CECR2: variants seen among roughly 807,000 people sequenced by gnomAD.
CECR2 encodes chromatin remodeling regulator CECR2.
Under a neutral mutation model 154.5 loss-of-function variants are expected in CECR2, and 30 were observed. That is an observed-to-expected ratio of 0.19 (90% CI 0.15 to 0.26). The LOEUF (loss-of-function observed/expected upper bound fraction) is 0.26. Among genes scored for constraint, CECR2 ranks in the 10% least tolerant of loss-of-function variants. CECR2 has a pLI of 1.00. For synonymous variants in CECR2, 725 were observed against 683.7 expected (o/e 1.06, Z -0.94); for missense variants, 1,743 against 1,829.3 (o/e 0.95, Z 0.86).
At position 17,404,892 on chromosome 22, in the gene CECR2, T is replaced by C. The variant is rs74276436; in HGVS notation, c.126+34983T>C. On this transcript the variant is annotated intron_variant, in intron 1 of 18. Transcript: ENST00000262608. ...TTCTACAAAAAAAGCCTGCTAGCAT[T>C]TAGATTGGAGTTGTATTGAATATCT... Among the ~76,000 whole-genome samples, 1,370 of 152,274 alleles carry C rather than the reference T, an allele frequency of 9.0e-3. 62 individuals carry two copies. In the East Asian group the frequency reaches 0.15, roughly 16 times the overall value.
chr22:17,511,478 G>A (rs1320102341), intron 7 of CECR2, among the ~76,000 whole-genome samples: 3 of 151,768 alleles, frequency 2.0e-5, no homozygotes, highest in Admixed American at 2.0e-4. Context: ...TCAGCTGAAG[G>A]TGATAAAGCA....
At chr22:17,521,718 G>A (rs2056161983) in intron 8 of CECR2, among the ~76,000 whole-genome samples, 1 of 152,090 alleles carries the variant, frequency 6.6e-6, no homozygotes, top group South Asian at 2.1e-4. Flanking sequence ...TCACTCTGAT[G>A]GTAGTTTCTT....
chr22:17,436,250 A>G (rs1489747042), intron 1 of CECR2, among the ~76,000 whole-genome samples: 1 of 152,092 alleles, frequency 6.6e-6, no homozygotes, highest in Non-Finnish European at 1.5e-5. Context: ...GAGCCACTGC[A>G]CCCGGCCTTT....
intron 2 of CECR2, among the ~76,000 whole-genome samples, chr22:17,496,570 A>G (rs1253474057): frequency 6.6e-6 from 1 of 152,190 alleles, no homozygotes; most frequent in African/African-American, 2.4e-5. Flanking sequence ...CTTAAAGTTC[A>G]TGTATAATAG....
chr22:17,375,936 C>T (rs901719813), intron 1 of CECR2, among the ~76,000 whole-genome samples: 3 of 146,368 alleles, frequency 2.0e-5, no homozygotes, highest in Non-Finnish European at 3.0e-5. Flanking sequence ...GCCTGGGCAA[C>T]AGAGCGAGAG....
intron 10 of CECR2, among the ~76,000 whole-genome samples, chr22:17,537,873 A>T (rs2056461362): frequency 1.3e-5 from 2 of 152,120 alleles, no homozygotes; most frequent in South Asian, 2.1e-4. Flanking sequence ...ACATGCCTGT[A>T]GTCCCAGCTA....
At chr22:17,366,339 C>A (rs762913442), upstream of CECR2, among the ~76,000 whole-genome samples, 2 of 152,144 alleles carry the variant, frequency 1.3e-5, no homozygotes, top group African/African-American at 4.8e-5. Flanking sequence ...AGGGGCGTGC[C>A]ACCACGCCCA....
chr22:17,473,725 G>T (rs145793487), intron 1 of CECR2, among the ~76,000 whole-genome samples: 332 of 152,272 alleles, frequency 2.2e-3, no homozygotes, highest in Middle Eastern at 6.8e-3. Context: ...ATAATTTATT[G>T]TAGTAAACAC....
At chr22:17,424,803 T>C (rs1375169469) in intron 1 of CECR2, 1 of 152,656 alleles carries the variant, frequency 6.6e-6, no homozygotes, top group African/African-American at 2.4e-5. Context: ...GCAACAGTGA[T>C]ACTGTTGTCT....
chr22:17,509,461 A>C (rs2055902966), intron 7 of CECR2, among the ~76,000 whole-genome samples: 1 of 145,246 alleles, frequency 6.9e-6, no homozygotes, highest in Non-Finnish European at 1.5e-5. Context: ...CAGGGACCTT[A>C]CTCTGTTACC....
rs138352243 is a variant in CECR2 at position 17,437,680 on chromosome 22, T to C, written c.127-39908T>C. Among the ~76,000 whole-genome samples the C allele has an allele frequency of 4.3e-3, 660 of 152,250 alleles. 3 individuals are homozygous for C. Among genetic ancestry groups the C allele is most frequent in the African/African-American group, 0.015 (620 of 41,544 alleles). ...TTCTTTTTATGTATGCTTTGACTTA[T>C]CAAGGTGTCACACTGTTGACCATAG... On this transcript the variant is annotated intron_variant, in intron 1 of 18. Transcript: ENST00000262608.
chr22:17,542,720 C>G lies in CECR2; in HGVS notation c.2577C>G (p.Pro859=), dbSNP rs748243217. 9.9e-6 allele frequency: 16 copies of G among 1,614,038 alleles called. 1 individual carries two copies. The South Asian group carries it at 1.8e-4, about 18-fold the overall frequency. ...HRLQPPPVPA[P]SSLFGAPAQA... is the part of the protein sequence containing the mutation. ...TACAGCCACCTCCAGTGCCAGCACC[C>G]AGTTCTTTGTTTGGAGCACCTGCCC... Residue 859 remains proline, a synonymous_variant, in exon 16 of 19, where the codon CCC becomes CCG. Transcript: ENST00000262608.
At chr22:17,436,104 G>C (rs1483786833) in intron 1 of CECR2, among the ~76,000 whole-genome samples, 1 of 152,078 alleles carries the variant, frequency 6.6e-6, no homozygotes, top group Non-Finnish European at 1.5e-5. Flanking sequence ...GACTACAGGT[G>C]CGTGTCACCA....
At chr22:17,452,490 A>G (rs1260041465) in intron 1 of CECR2, among the ~76,000 whole-genome samples, 1 of 152,184 alleles carries the variant, frequency 6.6e-6, no homozygotes, top group Non-Finnish European at 1.5e-5. Context: ...TAGTGGAGGT[A>G]GAGGTAGTGA....
intron 8 of CECR2, among the ~76,000 whole-genome samples, chr22:17,520,281 A>G (rs1349206071): frequency 1.3e-5 from 2 of 152,168 alleles, no homozygotes; most frequent in East Asian, 3.8e-4. Context: ...GTAATTCTGT[A>G]AATAACTTTC....
intron 2 of CECR2, among the ~76,000 whole-genome samples, chr22:17,486,407 C>T (rs927542231): frequency 3.2e-4 from 49 of 152,312 alleles, no homozygotes; most frequent in Admixed American, 1.3e-4. Context: ...TCCGAGGAGG[C>T]CCCCGTGATG....
intron 1 of CECR2, among the ~76,000 whole-genome samples, chr22:17,408,783 A>G (rs530681561): frequency 1.3e-5 from 2 of 152,202 alleles, no homozygotes; most frequent in South Asian, 4.1e-4. Flanking sequence ...TATTCATGAA[A>G]CAAAAGCAAG....
In CECR2 at chr22:17,541,785, C is replaced by G. The variant is rs1346284181; in HGVS notation, c.1885-54C>G. On this transcript the variant is annotated intron_variant, in intron 14 of 18. Transcript: ENST00000262608. ...CTTCAGGAAAACCCTTGTTGTCAAC[C>G]TAAAGTCTGTGCCTTTCCTTTTTCC... is the stretch of plus-strand genomic sequence containing the variant. 6 of 1,556,464 alleles carry G rather than the reference C, an allele frequency of 3.9e-6. No individual in the cohort carries two copies. The African/African-American group carries it at 8.2e-5, about 21-fold the overall frequency.
intron 8 of CECR2, among the ~76,000 whole-genome samples, chr22:17,518,096 C>T (rs2056090735): frequency 6.6e-6 from 1 of 151,798 alleles, no homozygotes; most frequent in African/African-American, 2.4e-5. Flanking sequence ...CCTCAGAGCC[C>T]ACCAGTTCTT....
Sources: gnomAD v4.1 joint callset for allele counts (sites outside exome capture counted in the v4.1 genomes callset) on GRCh38, gnomAD v4.1.1 for gene constraint, MANE v1.5 for transcripts, NCBI Gene and HGNC (gene_info 2026-07-23, HGNC 2026-07-21) for gene names.